The following NFIA variants were observed in gnomAD, a reference collection of about 807,000 sequenced individuals.
NFIA encodes nuclear factor I A.
NFIA carries 8 observed loss-of-function variants against 62.8 expected under a neutral mutation model. The ratio of observed to expected loss-of-function variants is 0.13; its 90% CI spans 0.07 to 0.23. The LOEUF (loss-of-function observed/expected upper bound fraction) is 0.23. NFIA is among the 10% of genes least tolerant of loss of function. The pLI, the probability that NFIA is intolerant of heterozygous loss-of-function variation, is 1.00. For synonymous variants in NFIA, 235 were observed against 238.1 expected (o/e 0.99, Z 0.12); for missense variants, 410 against 642.1 (o/e 0.64, Z 3.91).
chr1:61,179,770 A>C (rs934383850), intron 2 of NFIA, among the ~76,000 whole-genome samples: 2 of 152,166 alleles, frequency 1.3e-5, no homozygotes, highest in Admixed American at 6.5e-5. Flanking sequence ...CCTGCTTTGC[A>C]CCAGGTGAGA....
chr1:61,270,657 TGAA>T (rs1327615243), intron 2 of NFIA, among the ~76,000 whole-genome samples: 3 of 152,206 alleles, frequency 2.0e-5, no homozygotes, highest in African/African-American at 4.8e-5. Flanking sequence ...ATCATCCTGT[TGAA>T]GAACTCCAAG....
intron 3 of NFIA, among the ~76,000 whole-genome samples, chr1:61,323,111 C>G (rs1660761359): frequency 6.6e-6 from 1 of 152,186 alleles, no homozygotes; most frequent in African/African-American, 2.4e-5. Flanking sequence ...ACATACTTCT[C>G]AAACCTCTTT....
At chr1:61,318,760 C>G (rs751057370) in intron 3 of NFIA, among the ~76,000 whole-genome samples, 3 of 152,120 alleles carry the variant, frequency 2.0e-5, no homozygotes, top group South Asian at 2.1e-4. Flanking sequence ...ATTTGGAAGA[C>G]AGTTTCGCCA....
In NFIA at chr1:61,187,001, T is replaced by C. The variant is rs140529118; in HGVS notation, c.560-90519T>C. ...TGGTGCTGTACTTTTGCTTTCATAA[T>C]ACATGGAAGCCCTGGAAGGATTCAG... On this transcript the variant is annotated intron_variant, in intron 2 of 10. Transcript: ENST00000403491. Among the ~76,000 whole-genome samples, 1,517 of 152,332 alleles carry C rather than the reference T, an allele frequency of 1.0e-2. 17 individuals carry two copies. Among genetic ancestry groups the C allele is most frequent in the Middle Eastern group, 0.061 (18 of 294 alleles).
chr1:61,336,130 T>C (rs1279333645), intron 4 of NFIA, among the ~76,000 whole-genome samples: 1 of 152,108 alleles, frequency 6.6e-6, no homozygotes, highest in Non-Finnish European at 1.5e-5. Flanking sequence ...ACTGCCTACC[T>C]TTTCATCAAA....
intron 3 of NFIA, among the ~76,000 whole-genome samples, chr1:61,313,759 A>G (rs1238863760): frequency 2.0e-5 from 3 of 152,230 alleles, no homozygotes; most frequent in African/African-American, 4.8e-5. Flanking sequence ...ATTGATTACA[A>G]TAATGGTTAT....
At chr1:61,252,332 C>T (rs1418344596) in intron 2 of NFIA, among the ~76,000 whole-genome samples, 1 of 152,200 alleles carries the variant, frequency 6.6e-6, no homozygotes, top group Non-Finnish European at 1.5e-5. Context: ...CTTACCACGT[C>T]AGTTGTGTTA....
intron 4 of NFIA, among the ~76,000 whole-genome samples, chr1:61,333,092 T>TACAC (rs1661397518): frequency 7.1e-6 from 1 of 141,702 alleles, no homozygotes; most frequent in African/African-American, 2.6e-5. Flanking sequence ...CACACACACA[T>TACAC]ACACAGTTGC....
chr1:61,160,228 A>G (rs2100534404), intron 2 of NFIA, among the ~76,000 whole-genome samples: 1 of 152,256 alleles, frequency 6.6e-6, no homozygotes, highest in East Asian at 1.9e-4. Context: ...GGCTTGACCT[A>G]GGTTAGTGCT....
At chr1:61,249,873 A>G (rs1158250422) in intron 2 of NFIA, 1 of 152,178 alleles carries the variant, frequency 6.6e-6, no homozygotes, top group Non-Finnish European at 1.5e-5. Flanking sequence ...TTGAGTACAC[A>G]AGATACACTG....
upstream of NFIA, chr1:61,082,373 T>TC (rs886894085): frequency 9.6e-5 from 54 of 562,856 alleles, no homozygotes; most frequent in East Asian, 1.4e-3. Context: ...CCACACCCCC[T>TC]CCCCCCCGCG....
chr1:61,180,127 T>C (rs1050003846), intron 2 of NFIA, among the ~76,000 whole-genome samples: 2 of 152,130 alleles, frequency 1.3e-5, no homozygotes, highest in African/African-American at 4.8e-5. Context: ...ATGCCCCTGA[T>C]TGTGTCCCCT....
chr1:61,221,282 A>G (rs1487797456), intron 2 of NFIA, among the ~76,000 whole-genome samples: 4 of 152,104 alleles, frequency 2.6e-5, no homozygotes, highest in Non-Finnish European at 5.9e-5. Flanking sequence ...GGTATAAACA[A>G]AATTATTATG....
intron 2 of NFIA, among the ~76,000 whole-genome samples, chr1:61,206,989 A>G (rs188695200): frequency 1.5e-4 from 23 of 152,342 alleles, no homozygotes; most frequent in African/African-American, 5.5e-4. Context: ...GTCTAGCACT[A>G]ATGGGAGTTA....
chr1:61,292,543 G>A (rs932445611), intron 3 of NFIA, among the ~76,000 whole-genome samples: 1 of 152,124 alleles, frequency 6.6e-6, no homozygotes, highest in South Asian at 2.1e-4. Flanking sequence ...TCTAGCAAAG[G>A]ATACAGATAT....
At chr1:61,286,079 C>A (rs943729417) in intron 3 of NFIA, among the ~76,000 whole-genome samples, 4 of 152,124 alleles carry the variant, frequency 2.6e-5, no homozygotes, top group African/African-American at 7.2e-5. Flanking sequence ...GTCCAAGTCA[C>A]TTAAAGACTT....
chr1:61,190,228 A>C (rs1364255793), intron 2 of NFIA, among the ~76,000 whole-genome samples: 4 of 152,160 alleles, frequency 2.6e-5, no homozygotes, highest in African/African-American at 7.2e-5. Flanking sequence ...CCACGGTCTT[A>C]ATGACCACAC....
chr1:61,096,547 CTTTTTTTTTTTTTT>C (rs369305204), intron 2 of NFIA, among the ~76,000 whole-genome samples: 1 of 80,606 alleles, frequency 1.2e-5, no homozygotes, highest in Non-Finnish European at 2.3e-5. Flanking sequence ...AAGATTAGTT[CTTTTTTTTTTTTTT>C]TTTTTTTTTG....
intron 2 of NFIA, among the ~76,000 whole-genome samples, chr1:61,213,191 T>C (rs749684904): frequency 7.9e-5 from 12 of 152,186 alleles, no homozygotes; most frequent in Non-Finnish European, 1.3e-4. Context: ...GATATGAAAA[T>C]GCTGTGGTTC....
Sources: allele counts gnomAD v4.1 joint callset (sites outside exome capture counted in the v4.1 genomes callset), GRCh38; gene constraint gnomAD v4.1.1; transcripts MANE v1.5; gene names NCBI Gene and HGNC (gene_info 2026-07-23, HGNC 2026-07-21).